NOS2: variants seen among roughly 807,000 people sequenced by gnomAD.
NOS2 encodes nitric oxide synthase, inducible.
Under a neutral mutation model 136.0 loss-of-function variants are expected in NOS2, and 96 were observed. That is an observed-to-expected ratio of 0.71 (90% CI 0.60 to 0.84). The LOEUF is 0.84. Ranked by LOEUF, NOS2 falls within the 40% of genes least tolerant of loss-of-function variation. NOS2 has a pLI of 0.00. For missense variants in NOS2, 1,237 were observed against 1,496.9 expected (o/e 0.83, Z 2.87); for synonymous variants, 539 against 587.5 (o/e 0.92, Z 1.20).
At chr17:27,759,257 C>T (rs918659305) in intron 25 of NOS2, among the ~76,000 whole-genome samples, 182 bp from the exon 26 acceptor site, 6 of 152,254 alleles carry the variant, frequency 3.9e-5, no homozygotes, top group South Asian at 2.1e-4. Context: ...CCCTGGGGCT[C>T]GGCTGGGATT....
At chr17:27,781,899 C>A in intron 7 of NOS2, 116 bp downstream of exon 7, 1 of 808,428 alleles carries the variant, frequency 1.2e-6, no homozygotes, top group South Asian at 1.6e-5. Flanking sequence ...TTTTTTCTTT[C>A]TCCCTGGTTT....
At chr17:27,758,497 T>G (rs1376386375) in intron 26 of NOS2, among the ~76,000 whole-genome samples, 4 of 151,974 alleles carry the variant, frequency 2.6e-5, no homozygotes, top group Non-Finnish European at 4.4e-5. Flanking sequence ...CCAGCCTGGG[T>G]GTAAATAAGA....
chr17:27,796,234 G>A (rs1191439644), intron 2 of NOS2, among the ~76,000 whole-genome samples: 1 of 152,184 alleles, frequency 6.6e-6, no homozygotes, highest in Admixed American at 6.5e-5. Flanking sequence ...AGAATTGCTT[G>A]AGGTCAGGGG....
chr17:27,769,603 A>T lies in NOS2; in HGVS notation c.1810-19T>A. On this transcript the variant is annotated intron_variant, in intron 15 of 26. Transcript: ENST00000313735. ...TCAGTTTCTAGAAAGAGAGGGAATG[A>T]CAGAGTTCTCAAGCCAGGATGAATA... is the stretch of plus-strand genomic sequence containing the variant. The T allele has an allele frequency of 6.2e-7, 1 of 1,603,838 alleles. No individual in the cohort carries two copies. Among genetic ancestry groups the T allele is most frequent in the Non-Finnish European group, 8.5e-7 (1 of 1,170,618 alleles).
Position 27,787,925 on chromosome 17 carries a change from C to T in NOS2, c.319-99G>A, listed in dbSNP as rs894441548. 15 of 1,297,086 alleles carry T rather than the reference C, an allele frequency of 1.2e-5. No homozygotes were observed. In the East Asian group the frequency reaches 2.0e-4, roughly 17 times the overall value. The allele number at this position is 1,297,086 out of a possible 1,614,324, so 80.3% of individuals were successfully genotyped here. A position where few individuals can be genotyped will look rare whatever the true frequency, so the allele number is the denominator to read the frequency against. On this transcript the variant is annotated intron_variant, in intron 4 of 26. Transcript: ENST00000313735. Reference sequence around the variant, plus strand: ...TGGCCACCTGGCTCCTCTCTGGCTGCTCCGGCTCCCTGCACCTCTTCTCCA... The same window carrying T: ...TGGCCACCTGGCTCCTCTCTGGCTGTTCCGGCTCCCTGCACCTCTTCTCCA...
In NOS2 at chr17:27,798,847, A is replaced by C; in HGVS notation, c.-38T>G. The C allele has an allele frequency of 7.7e-7, 1 of 1,291,938 alleles. No individual in the cohort carries two copies. Among genetic ancestry groups the C allele is most frequent in the Non-Finnish European group, 1.1e-6 (1 of 885,980 alleles). The allele number at this position is 1,291,938 out of a possible 1,614,324, so 80.0% of individuals were successfully genotyped here. Reference sequence around the variant, plus strand: ...ACAAAGCAGGTCACTTATGTCACTTATCTGGATTTGAGCTCAGATGTTCTT... The same window carrying C: ...ACAAAGCAGGTCACTTATGTCACTTCTCTGGATTTGAGCTCAGATGTTCTT... On this transcript the variant is annotated 5_prime_UTR_variant, in exon 2 of 27. Transcript: ENST00000313735.
intron 11 of NOS2, among the ~76,000 whole-genome samples, chr17:27,777,279 C>A (rs938965803): frequency 1.3e-5 from 2 of 152,248 alleles, no homozygotes; most frequent in African/African-American, 4.8e-5. Flanking sequence ...GAATGAATGA[C>A]TGACCAGTGG....
intron 2 of NOS2, chr17:27,793,838 C>A: frequency 2.7e-6 from 1 of 371,134 alleles, no homozygotes; most frequent in South Asian, 1.5e-4. Context: ...ATGTCCCGGG[C>A]CGAGCTGCCC....
Position 27,759,332 on chromosome 17 carries a change from C to T in NOS2, c.3160-257G>A, listed in dbSNP as rs542546616. ...CTGACCATCCAGTGGGGATCCCAGACTGTCTCTGAATTTGCCATGCTTCAA... is the reference window on the plus strand; with the variant it reads ...CTGACCATCCAGTGGGGATCCCAGATTGTCTCTGAATTTGCCATGCTTCAA... On this transcript the variant is annotated intron_variant, in intron 25 of 26. Coordinates refer to ENST00000313735, the MANE Select transcript of NOS2 (RefSeq NM_000625.4). 1.8e-4 allele frequency among the ~76,000 whole-genome samples: 27 copies of T among 152,326 alleles called. 2 individuals carry two copies. The highest frequency in any genetic ancestry group is 1.2e-3 in the Admixed American group (19 of 15,312).
intron 2 of NOS2, among the ~76,000 whole-genome samples, chr17:27,795,782 C>T (rs188742254): frequency 9.8e-4 from 149 of 152,202 alleles, no homozygotes; most frequent in Admixed American, 1.6e-3. Flanking sequence ...TTCTTCATCC[C>T]CTCTTCTATC....
chr17:27,767,595 C>A, intron 18 of NOS2, 110 bp downstream of exon 18: 1 of 1,327,694 alleles, frequency 7.5e-7, no homozygotes, highest in East Asian at 2.5e-5. Flanking sequence ...AGAGGGAGGC[C>A]CCGAGGCCAG....
At position 27,762,885 on chromosome 17, in the gene NOS2, G is replaced by C. The variant is rs756408586; in HGVS notation, c.2713C>G (p.Pro905Ala). ...FLLSQLPILK[P>A]RFYSISSSRD... ...GAGGAGCTGATGGAGTAGAACCTGG[G>C]CTTCAGAATGGGGAGCTGGGAAAGC... Residue 905 changes from proline (P) to alanine (A), a missense_variant, in exon 22 of 27, where the codon CCC (proline) becomes GCC (alanine). Transcript: ENST00000313735. The C allele has an allele frequency of 6.3e-7, 1 of 1,594,530 alleles. No homozygotes were observed. The highest frequency in any genetic ancestry group is 2.3e-5 in the East Asian group (1 of 44,270).
At chr17:27,777,006 T>G (rs1254600328) in intron 11 of NOS2, among the ~76,000 whole-genome samples, 1 of 152,138 alleles carries the variant, frequency 6.6e-6, no homozygotes, top group African/African-American at 2.4e-5. Flanking sequence ...CTGGGACGTA[T>G]CCACATCCTG....
At chr17:27,758,355 G>A (rs775049730) in intron 26 of NOS2, among the ~76,000 whole-genome samples, 1 of 152,172 alleles carries the variant, frequency 6.6e-6, no homozygotes, top group Non-Finnish European at 1.5e-5. Flanking sequence ...GTCCTCGGCA[G>A]GACTGAATGA....
At chr17:27,778,043 A>C (rs1247115889) in intron 11 of NOS2, among the ~76,000 whole-genome samples, 1 of 152,070 alleles carries the variant, frequency 6.6e-6, no homozygotes, top group Non-Finnish European at 1.5e-5. Context: ...TCAAAAAAAA[A>C]AAAAGGAAAA....
At chr17:27,788,729 G>T (rs575333440) in intron 4 of NOS2, 80 bp downstream of exon 4, 1 of 1,533,890 alleles carries the variant, frequency 6.5e-7, no homozygotes, top group African/African-American at 1.4e-5. Context: ...TGCCCAGGGG[G>T]ACACCTGTTT....
intron 2 of NOS2, among the ~76,000 whole-genome samples, chr17:27,793,398 T>G (rs1909253507): frequency 1.3e-5 from 2 of 152,190 alleles, no homozygotes; most frequent in African/African-American, 4.8e-5. Context: ...GGGGTTTCTC[T>G]GGGCCGCCTG....
chr17:27,779,074 A>C lies in NOS2; in HGVS notation c.1005-18T>G, dbSNP rs755297915. 1 of 1,436,090 alleles carries C rather than the reference A, an allele frequency of 7.0e-7. No individual in the cohort carries two copies. The highest frequency in any genetic ancestry group is 2.5e-5 in the East Asian group (1 of 39,492). 89.0% of individuals were successfully genotyped at this position (1,436,090 alleles called of 1,614,324 possible). ...ACTCGTATCTGGCAAAAAGGTAGAC[A>C]CAATTTAACTGGGGCCTTCCTTATT... On this transcript the variant is annotated intron_variant, in intron 9 of 26. Transcript: ENST00000313735.
intron 3 of NOS2, 84 bp from the exon 4 acceptor site, chr17:27,789,015 T>C (rs1909109401): frequency 1.3e-6 from 2 of 1,530,722 alleles, no homozygotes; most frequent in South Asian, 1.2e-5. Flanking sequence ...GAAGGATCTA[T>C]GGGTGGCCAC....
Sources: allele counts gnomAD v4.1 joint callset (sites outside exome capture counted in the v4.1 genomes callset), GRCh38; gene constraint gnomAD v4.1.1; transcripts MANE v1.5; gene names NCBI Gene and HGNC (gene_info 2026-07-23, HGNC 2026-07-21).